Variants in MTMR11 observed in about 807,000 individuals in gnomAD.
MTMR11 encodes myotubularin related protein 11.
Under a neutral mutation model 100.0 loss-of-function variants are expected in MTMR11, and 89 were observed. The ratio of observed to expected loss-of-function variants is 0.89; its 90% confidence interval spans 0.75 to 1.06. MTMR11 has a LOEUF of 1.06. Among genes scored for constraint, MTMR11 ranks in the 50% least tolerant of loss-of-function variants. MTMR11 has a pLI of 0.00. For synonymous variants in MTMR11, 336 were observed against 326.3 expected (o/e 1.03, Z -0.32); for missense variants, 809 against 873.7 (o/e 0.93, Z 0.93).
chr1:149,930,223 GGGACTATAAGT>G, intron 15 of MTMR11, 131 bp downstream of exon 15: 3 of 904,078 alleles, frequency 3.3e-6, no homozygotes, highest in Middle Eastern at 6.9e-4. Context: ...GGGACACCCA[GGGACTATAAGT>G]GACAGCTGCA....
chr1:149,934,688 C>T (rs2092701906), intron 5 of MTMR11, among the ~76,000 whole-genome samples, 162 bp from the exon 6 acceptor site: 1 of 152,106 alleles, frequency 6.6e-6, no homozygotes, highest in East Asian at 1.9e-4. Flanking sequence ...GGACTGGGGT[C>T]GGGAGAACAA....
rs141028128 is a variant in MTMR11, at chr1:149,931,069, G to C, written c.1291-104C>G. 3.7e-4 allele frequency: 505 copies of C among 1,356,110 alleles called. 4 individuals are homozygous for C. The African/African-American group carries it at 6.8e-3, about 18-fold the overall frequency. The allele number at this position is 1,356,110 out of a possible 1,614,324, so 84.0% of individuals were successfully genotyped here. On this transcript the variant is annotated intron_variant, in intron 13 of 16. Transcript: ENST00000439741. The stretch of plus-strand genomic sequence containing the variant: ...ACACAGGGAATAGGGGGAACTTATG[G>C]AAGTCAGGGAATGAAAATCTGAATT...
At position 149,928,681 on chromosome 1, in the gene MTMR11, C is replaced by T. The variant is rs2092612717; in HGVS notation, c.*448G>A. The T allele has an allele frequency of 1.6e-6, 1 of 621,138 alleles. No individual in the cohort carries two copies. Among genetic ancestry groups the T allele is most frequent in the African/African-American group, 1.8e-5 (1 of 54,384 alleles). The allele number at this position is 621,138 out of a possible 1,614,324, so 38.5% of individuals were successfully genotyped here. A position where few individuals can be genotyped will look rare whatever the true frequency, so the allele number is the denominator to read the frequency against. ...ATAAATACTATGCTTTAATGAGCCC[C>T]TTAAATAGAAATTCCACTACAAAAA... On this transcript the variant is annotated 3_prime_UTR_variant, in exon 17 of 17. Transcript: ENST00000439741.
At position 149,934,314 on chromosome 1, in the gene MTMR11, C is replaced by T. The variant is rs1259191402; in HGVS notation, c.560G>A (p.Gly187Asp). ...ITLSKAGQGS[G>D]SRKPPIPLME... ...GAGAGGAATTGGTGGTTTTCTGGAG[C>T]CAGAACCCTGGCCTAGAACAGGAGT... Residue 187 changes from glycine (G) to aspartate (D), a missense_variant, in exon 7 of 17, where the codon GGC (glycine) becomes GAC (aspartate). By Grantham distance (94) the Gly-to-Asp change is moderately conservative. Transcript: ENST00000439741. The T allele has an allele frequency of 1.2e-6, 2 of 1,614,030 alleles. No individual in the cohort carries two copies. Among genetic ancestry groups the T allele is most frequent in the Admixed American group, 3.3e-5 (2 of 60,000 alleles).
At position 149,929,742 on chromosome 1, in the gene MTMR11, C is replaced by T. The variant is rs945282644; in HGVS notation, c.1822G>A (p.Gly608Ser). 7.4e-6 allele frequency: 12 copies of T among 1,613,988 alleles called. No individual in the cohort carries two copies. Among genetic ancestry groups the T allele is most frequent in the Non-Finnish European group, 8.5e-6 (10 of 1,180,046 alleles). ...SSESLADQEW[G>S]LPSHWGACPL... is the part of the protein sequence containing the mutation. ...CAAGCTCCCCAATGTGAGGGGAGAC[C>T]CCATTCCTGGTCAGCCAGGCTTTCA... Residue 608 changes from glycine to serine, a missense_variant, in exon 16 of 17, where the codon GGT (glycine) becomes AGT (serine). Physicochemically the swap from Gly to Ser is moderately conservative, Grantham distance 56 (BLOSUM62 0). Coordinates refer to ENST00000439741, the MANE Select transcript of MTMR11 (RefSeq NM_001145862.2).
intron 15 of MTMR11, 168 bp from the exon 16 acceptor site, chr1:149,930,084 G>A (rs2092638806): frequency 7.6e-6 from 6 of 786,830 alleles, no homozygotes; most frequent in Non-Finnish European, 1.2e-5. Flanking sequence ...GCTTCAACTA[G>A]GCCTCGGGAC....
At position 149,933,648 on chromosome 1, in the gene MTMR11, G is replaced by T; in HGVS notation, c.822C>A (p.Gly274=). Residue 274 remains glycine (G), a synonymous_variant, in exon 9 of 17, where the codon GGC becomes GGA. Coordinates refer to ENST00000439741, the MANE Select transcript of MTMR11 (RefSeq NM_001145862.2). ...PGGSDLLRCG[G]FYTASDPNKE... The stretch of plus-strand genomic sequence containing the variant: ...TGTTAGGGTCACTGGCTGTATAGAA[G>T]CCTCCACAGCGGAGAAGATCACTGC... 6.2e-7 allele frequency: 1 copy of T among 1,614,186 alleles called. No homozygotes were observed. Among genetic ancestry groups the T allele is most frequent in the Non-Finnish European group, 8.5e-7 (1 of 1,180,016 alleles).
In MTMR11 at chr1:149,930,347, G is replaced by A. The variant is rs1213632662; in HGVS notation, c.1647+18C>T. The A allele has an allele frequency of 1.3e-6, 2 of 1,599,168 alleles. No homozygotes were observed. The highest frequency in any genetic ancestry group is 2.2e-5 in the East Asian group (1 of 44,646). On this transcript the variant is annotated intron_variant, in intron 15 of 16. Transcript: ENST00000439741. ...CTGTGGGAACGTCAAGGGAATTTAG[G>A]AAGTTTAGACACTTCACCTGTGGTC...
chr1:149,934,922 TTGTC>T, intron 5 of MTMR11, 60 bp downstream of exon 5: 1 of 1,560,332 alleles, frequency 6.4e-7, no homozygotes, highest in Non-Finnish European at 8.7e-7. Flanking sequence ...GTCTCAGAAA[TTGTC>T]AGGGAGAGGA....
chr1:149,936,862 G>T lies in MTMR11; in HGVS notation c.-215C>A. ...CAGCCCAGCCTGAGAAGTCTCCTCG[G>T]AAACTTCAGTCGACTCTGGAGAGGG... On this transcript the variant is annotated 5_prime_UTR_variant, in exon 1 of 17. Coordinates refer to ENST00000439741, the MANE Select transcript of MTMR11 (RefSeq NM_001145862.2). The T allele has an allele frequency of 7.2e-6, 4 of 558,064 alleles. No homozygotes were observed. The highest frequency in any genetic ancestry group is 1.3e-5 in the Non-Finnish European group (4 of 319,008). The allele number at this position is 558,064 out of a possible 1,614,324, so 34.6% of individuals were successfully genotyped here.
rs376322160 is a variant in MTMR11, at chr1:149,935,396, C to T, written c.265-37G>A. Reference sequence around the variant, plus strand: ...ACGTGACTGGGTAGACATCTGAAATCGCCCTCATTTTCCTACCCTGGCAGC... The same window carrying T: ...ACGTGACTGGGTAGACATCTGAAATTGCCCTCATTTTCCTACCCTGGCAGC... On this transcript the variant is annotated intron_variant, in intron 3 of 16. Coordinates refer to ENST00000439741, the MANE Select transcript of MTMR11 (RefSeq NM_001145862.2). The T allele has an allele frequency of 2.6e-5, 42 of 1,609,528 alleles. No homozygotes were observed. The East Asian group carries it at 5.6e-4, about 21-fold the overall frequency.
intron 5 of MTMR11, 64 bp downstream of exon 5, chr1:149,934,922 T>C: frequency 6.4e-7 from 1 of 1,560,332 alleles, no homozygotes. Context: ...GTCTCAGAAA[T>C]TGTCAGGGAG....
Position 149,935,286 on chromosome 1 carries a change from C to G in MTMR11, c.325+13G>C, listed in dbSNP as rs781889585. 1.4e-5 allele frequency: 22 copies of G among 1,613,278 alleles called. No homozygotes were observed. Among genetic ancestry groups the G allele is most frequent in the South Asian group, 2.2e-5 (2 of 91,038 alleles). On this transcript the variant is annotated intron_variant, in intron 4 of 16. Transcript: ENST00000439741. ...CCCAGTGAACCCCTTCACCAAACCC[C>G]CCCCCAACTTACCAGCCTCTAATCG...
chr1:149,934,407 C>T, intron 6 of MTMR11, 41 bp downstream of exon 6: 1 of 1,613,654 alleles, frequency 6.2e-7, no homozygotes, highest in East Asian at 2.2e-5. Context: ...CCATCCTCTG[C>T]TTTTTCAGAC....
chr1:149,929,294 GA>G lies in MTMR11; in HGVS notation c.1964del (p.Ile655ThrfsTer88). ...EVQMGLSAPT[I>X]SGLQDELSHL... ...GGGATAGCTCATCCTGGAGGCCAGA[GA>G]TTGTGGGAGCTGAGAGGCCCATCTG... On this transcript the variant is annotated frameshift_variant, in exon 17 of 17. Coordinates refer to ENST00000439741, the MANE Select transcript of MTMR11 (RefSeq NM_001145862.2). LOFTEE classifies it high-confidence loss of function. The G allele has an allele frequency of 6.2e-7, 1 of 1,614,088 alleles. No individual in the cohort carries two copies. The highest frequency in any genetic ancestry group is 8.5e-7 in the Non-Finnish European group (1 of 1,179,960).
Position 149,935,015 on chromosome 1 carries a change from C to A in MTMR11, c.439G>T (p.Ala147Ser). Residue 147 changes from alanine (A) to serine (S), a missense_variant, in exon 5 of 17, where the codon GCT (alanine) becomes TCT (serine). Transcript: ENST00000439741. ...AAAGCCTGAGGCTCTAGGCCTCCAG[C>A]CTCAAAACCAACTCTGAGCAGCCGG... The part of the protein sequence containing the change: ...DFRLLRVGFE[A>S]GGLEPQAFQV... 6.2e-7 allele frequency: 1 copy of A among 1,614,014 alleles called. No individual in the cohort carries two copies. The highest frequency in any genetic ancestry group is 1.7e-5 in the Admixed American group (1 of 60,018).
rs2092651968 is a variant in MTMR11 at position 149,930,978 on chromosome 1, T to C, written c.1291-13A>G. The C allele has an allele frequency of 6.3e-7, 1 of 1,589,752 alleles. No homozygotes were observed. The highest frequency in any genetic ancestry group is 8.5e-7 in the Non-Finnish European group (1 of 1,170,786). ...GAAACACCGGAGCCTGAAAAGAAAT[T>C]AAGAGGTTGGAAGGGATTATTGGGA... is the stretch of plus-strand genomic sequence containing the variant. On this transcript the variant is annotated splice_polypyrimidine_tract_variant and intron_variant, in intron 13 of 16. Transcript: ENST00000439741.
intron 14 of MTMR11, 103 bp downstream of exon 14, chr1:149,930,689 C>A: frequency 2.2e-6 from 3 of 1,370,486 alleles, no homozygotes; most frequent in Non-Finnish European, 3.0e-6. Flanking sequence ...TCTCCCCCTC[C>A]CCACTCACAG....
rs2092683843 is a variant in MTMR11 at position 149,933,304 on chromosome 1, G to A, written c.985+102C>T. On this transcript the variant is annotated intron_variant, in intron 10 of 16. Coordinates refer to ENST00000439741, the MANE Select transcript of MTMR11 (RefSeq NM_001145862.2). ...AAAAGAAAAGAAAACGGGCTCATTG[G>A]ACTAAAGAGCTACTCATCTACAGCA... 2.7e-6 allele frequency: 4 copies of A among 1,456,658 alleles called. 1 individual carries two copies. The highest frequency in any genetic ancestry group is 2.1e-5 in the Admixed American group (1 of 47,978). The allele number at this position is 1,456,658 out of a possible 1,614,324, so 90.2% of individuals were successfully genotyped here.
Sources: gnomAD v4.1 joint callset for allele counts (sites outside exome capture counted in the v4.1 genomes callset) on GRCh38, gnomAD v4.1.1 for gene constraint, MANE v1.5 for transcripts, NCBI Gene and HGNC (gene_info 2026-07-23, HGNC 2026-07-21) for gene names.